The following ASH1L variants were observed in gnomAD, a reference collection of about 807,000 sequenced individuals.
ASH1L encodes ASH1 like histone lysine methyltransferase, also known as histone-lysine N-methyltransferase ASH1L.
In ASH1L, 23 loss-of-function variants were observed where a neutral mutation model predicts 269.0. The ratio of observed to expected loss-of-function variants is 0.09; its 90% CI spans 0.06 to 0.12. The LOEUF is 0.12. Among genes scored for constraint, ASH1L ranks in the 10% least tolerant of loss-of-function variants. The pLI, the probability that ASH1L is intolerant of heterozygous loss-of-function variation, is 1.00. For synonymous variants in ASH1L, 1,187 were observed against 1,253.5 expected (o/e 0.95, Z 1.12); for missense variants, 2,912 against 3,567.8 (o/e 0.82, Z 4.68).
chr1:155,542,122 G>A (rs993968037), intron 1 of ASH1L, among the ~76,000 whole-genome samples: 2 of 152,040 alleles, frequency 1.3e-5, no homozygotes, highest in African/African-American at 4.8e-5. Context: ...AAAAAAGAGG[G>A]GGAGGGGGAT....
intron 2 of ASH1L, among the ~76,000 whole-genome samples, chr1:155,495,234 T>C (rs1667068641): frequency 6.6e-6 from 1 of 152,202 alleles, no homozygotes; most frequent in Non-Finnish European, 1.5e-5. Flanking sequence ...AAGTACGGTG[T>C]GTGTTACCTA....
chr1:155,347,740 C>A lies in ASH1L; in HGVS notation c.7719G>T (p.Gly2573=). ...GAATAACATCGTCGTCCTTCTCATGCCCATTCTCCTTTTCAGAGACTGAGG... is the reference window on the plus strand; with the variant it reads ...GAATAACATCGTCGTCCTTCTCATGACCATTCTCCTTTTCAGAGACTGAGG... ...SETSVSEKEN[G]HEKDDDVIRC... is the part of the protein sequence containing the mutation. Residue 2573 remains glycine (G), a synonymous_variant, in exon 20 of 28, where the codon GGG becomes GGT. Coordinates refer to ENST00000392403, the MANE Select transcript of ASH1L (RefSeq NM_018489.3). 6.2e-7 allele frequency: 1 copy of A among 1,614,210 alleles called. No homozygotes were observed. The highest frequency in any genetic ancestry group is 8.5e-7 in the Non-Finnish European group (1 of 1,180,038).
chr1:155,340,078 C>T (rs939920372), intron 25 of ASH1L, among the ~76,000 whole-genome samples: 3 of 150,626 alleles, frequency 2.0e-5, no homozygotes, highest in Non-Finnish European at 2.9e-5. Context: ...AGTCTAGATG[C>T]GAGGAAAGAC....
chr1:155,337,859 A>G, intron 27 of ASH1L, 108 bp from the exon 28 acceptor site: 3 of 1,201,034 alleles, frequency 2.5e-6, no homozygotes, highest in Non-Finnish European at 3.6e-6. Flanking sequence ...TTTCTGACCT[A>G]TAAGCAATTT....
intron 1 of ASH1L, among the ~76,000 whole-genome samples, chr1:155,556,401 CGTGTGTGTGT>C (rs71080711): frequency 1.8e-3 from 255 of 140,562 alleles, no homozygotes; most frequent in East Asian, 7.0e-3. Context: ...CATATATATA[CGTGTGTGTGT>C]GTGTGTGTGT....
At chr1:155,547,328 T>G (rs748927612) in intron 1 of ASH1L, among the ~76,000 whole-genome samples, 1 of 151,418 alleles carries the variant, frequency 6.6e-6, no homozygotes, top group East Asian at 1.9e-4. Context: ...CATGTGTTTC[T>G]GTTTACTGCA....
At chr1:155,465,459 TTA>T (rs1476686917) in intron 3 of ASH1L, among the ~76,000 whole-genome samples, 1 of 152,126 alleles carries the variant, frequency 6.6e-6, no homozygotes, top group East Asian at 1.9e-4. Context: ...AAGAAATCAT[TTA>T]TATGAGTGGA....
intron 5 of ASH1L, chr1:155,419,627 A>G (rs1189634394): frequency 1.3e-5 from 2 of 152,244 alleles, no homozygotes; most frequent in Non-Finnish European, 2.9e-5. Flanking sequence ...CTATAAAATA[A>G]ACATAAGCAA....
At chr1:155,498,693 A>C (rs1355337369) in intron 2 of ASH1L, among the ~76,000 whole-genome samples, 1 of 151,852 alleles carries the variant, frequency 6.6e-6, no homozygotes, top group Non-Finnish European at 1.5e-5. Flanking sequence ...TGCCTGCCTC[A>C]GCCTCCCAAA....
intron 4 of ASH1L, among the ~76,000 whole-genome samples, chr1:155,452,227 C>T (rs1020363803): frequency 1.1e-4 from 16 of 149,966 alleles, no homozygotes; most frequent in Admixed American, 6.7e-4. Context: ...TTAGTAGAGA[C>T]GGGGTTTTGC....
intron 19 of ASH1L, among the ~76,000 whole-genome samples, chr1:155,349,071 A>G (rs1653642886): frequency 6.6e-6 from 1 of 152,084 alleles, no homozygotes; most frequent in African/African-American, 2.4e-5. Context: ...AAGGTTTAAT[A>G]CTAAATTAGT....
chr1:155,526,219 TA>T (rs2148855482), intron 1 of ASH1L, among the ~76,000 whole-genome samples: 1 of 152,284 alleles, frequency 6.6e-6, no homozygotes, highest in African/African-American at 2.4e-5. Flanking sequence ...AATAGCTGAA[TA>T]AATGAATGAG....
Position 155,360,325 on chromosome 1 carries a change from A to G in ASH1L, c.6771T>C (p.Phe2257=). Residue 2257 remains phenylalanine (F), a synonymous_variant, in exon 13 of 28, where the codon TTT becomes TTC. Coordinates refer to ENST00000392403, the MANE Select transcript of ASH1L (RefSeq NM_018489.3). ...CCTGTTTTTCCACATTGAAGGAATG[A>G]AAGTTATAATCATAAGTGAGTTCAG... ...AGTELTYDYN[F]HSFNVEKQQL... 1.9e-6 allele frequency: 3 copies of G among 1,612,818 alleles called. No homozygotes were observed. Among genetic ancestry groups the G allele is most frequent in the Non-Finnish European group, 2.5e-6 (3 of 1,178,774 alleles).
chr1:155,412,559 C>T (rs1298298233), intron 6 of ASH1L, among the ~76,000 whole-genome samples: 1 of 152,156 alleles, frequency 6.6e-6, no homozygotes, highest in African/African-American at 2.4e-5. Flanking sequence ...ATGTCTTCAT[C>T]TATAGCGTCT....
At chr1:155,545,530 A>G (rs1449211566) in intron 1 of ASH1L, among the ~76,000 whole-genome samples, 2 of 151,966 alleles carry the variant, frequency 1.3e-5, no homozygotes, top group African/African-American at 4.8e-5. Context: ...CATATTTGGA[A>G]AGAGTAGGAC....
intron 6 of ASH1L, among the ~76,000 whole-genome samples, chr1:155,415,500 C>G (rs1660137274): frequency 6.6e-6 from 1 of 151,664 alleles, no homozygotes; most frequent in South Asian, 2.1e-4. Context: ...TAAGACAGTA[C>G]AGTAGTACAG....
chr1:155,480,373 A>G lies in ASH1L; in HGVS notation c.2497T>C (p.Ser833Pro), dbSNP rs1305498925. 3.1e-6 allele frequency: 5 copies of G among 1,614,024 alleles called. No individual in the cohort carries two copies. The highest frequency in any genetic ancestry group is 4.2e-6 in the Non-Finnish European group (5 of 1,179,920). Reference protein sequence around the residue: ...IYKPKRGRPKSKEMPQLEGPP... With the variant: ...IYKPKRGRPKPKEMPQLEGPP... ...CCTTCCAGTTGAGGCATCTCCTTAG[A>G]TTTAGGCCTTCCTCTTTTGGGCTTA... Residue 833 changes from serine (S) to proline (P), a missense_variant, in exon 3 of 28, where the codon TCT (serine) becomes CCT (proline). This residue lies in a region of ASH1L where 715 missense variants were observed against 721.0 expected (regional missense o/e 0.99). Transcript: ENST00000392403.
intron 3 of ASH1L, among the ~76,000 whole-genome samples, chr1:155,463,832 G>A (rs1003480723): frequency 1.3e-5 from 2 of 152,020 alleles, no homozygotes; most frequent in Non-Finnish European, 2.9e-5. Context: ...AGAGCAGTGA[G>A]TTATACCCAG....
At chr1:155,494,148 G>A (rs1344236673) in intron 2 of ASH1L, among the ~76,000 whole-genome samples, 1 of 152,158 alleles carries the variant, frequency 6.6e-6, no homozygotes, top group Non-Finnish European at 1.5e-5. Context: ...AGTTCTGATT[G>A]AAAACTCAAT....
Sources: gnomAD v4.1 joint callset for allele counts (sites outside exome capture counted in the v4.1 genomes callset) on GRCh38, gnomAD v4.1.1 for gene constraint, gnomAD v4.1.1 regional missense constraint, MANE v1.5 for transcripts, NCBI Gene and HGNC (gene_info 2026-07-23, HGNC 2026-07-21) for gene names.